RBPMS: variants seen among roughly 807,000 people sequenced by gnomAD.
RBPMS encodes RNA binding protein, mRNA processing factor, also known as RNA-binding protein with multiple splicing.
RBPMS carries 7 observed loss-of-function variants against 26.8 expected under a neutral mutation model. That is an observed-to-expected ratio of 0.26 (90% CI 0.15 to 0.49). RBPMS has a LOEUF of 0.49. Among genes scored for constraint, RBPMS ranks in the 20% least tolerant of loss-of-function variants. The probability of loss-of-function intolerance (pLI) is 0.98; values close to 1 mark genes in which losing one functional copy is unlikely to be tolerated. For missense variants in RBPMS, 186 were observed against 250.0 expected, an observed-to-expected ratio of 0.74 and a Z score of 1.73; for synonymous variants, 96 against 93.3, an observed-to-expected ratio of 1.03 and a Z score of -0.17.
At chr8:30,452,596 T>C (rs1435399316) in intron 1 of RBPMS, among the ~76,000 whole-genome samples, 1 of 152,188 alleles carries the variant, frequency 6.6e-6, no homozygotes, top group Non-Finnish European at 1.5e-5. Flanking sequence ...CTCATTTCTT[T>C]TGTGTGGTTC....
intron 1 of RBPMS, among the ~76,000 whole-genome samples, chr8:30,467,536 TTCTTA>T (rs1461208409): frequency 2.6e-5 from 4 of 152,158 alleles, no homozygotes; most frequent in South Asian, 4.1e-4. Flanking sequence ...GATCCCTCAG[TTCTTA>T]TCTTAGTAGA....
At chr8:30,430,394 G>GTAACATGGAAC (rs1811804798) in intron 1 of RBPMS, among the ~76,000 whole-genome samples, 1 of 152,196 alleles carries the variant, frequency 6.6e-6, no homozygotes, top group South Asian at 2.1e-4. Flanking sequence ...CAAGGTATTT[G>GTAACATGGAAC]CAAGCTGACA....
In RBPMS at chr8:30,419,377, C is replaced by T. The variant is rs535211479; in HGVS notation, c.66+34219C>T. Among the ~76,000 whole-genome samples, 4 of 151,480 alleles carry T rather than the reference C, an allele frequency of 2.6e-5. 1 individual carries two copies. In the South Asian group the frequency reaches 6.3e-4, roughly 24 times the overall value. ...AGGAGAATCGCTTGAAACTGGGAGGCAGAGGTAGCAGTGAGCCAAGATCAT... is the reference window on the plus strand; with the variant it reads ...AGGAGAATCGCTTGAAACTGGGAGGTAGAGGTAGCAGTGAGCCAAGATCAT... On this transcript the variant is annotated intron_variant, in intron 1 of 8. Transcript: ENST00000397323.
chr8:30,451,961 G>A (rs1278897281), intron 1 of RBPMS, among the ~76,000 whole-genome samples: 1 of 152,058 alleles, frequency 6.6e-6, no homozygotes, highest in African/African-American at 2.4e-5. Context: ...TCAGAAAGAC[G>A]TCACATCCAT....
chr8:30,460,280 A>G (rs990829137), intron 1 of RBPMS, among the ~76,000 whole-genome samples: 5 of 152,230 alleles, frequency 3.3e-5, no homozygotes, highest in Admixed American at 6.5e-5. Context: ...CATTATCAGC[A>G]CTGGGCTTTA....
At chr8:30,519,472 T>C (rs1230572972) in intron 5 of RBPMS, among the ~76,000 whole-genome samples, 7,722 of 15,172 alleles carry the variant, frequency 0.51, 1,153 homozygotes, top group South Asian at 0.61. Context: ...TTTTTTTTTT[T>C]TTTTTTTTTT....
intron 1 of RBPMS, among the ~76,000 whole-genome samples, chr8:30,446,790 A>G (rs1170584175): frequency 6.9e-6 from 1 of 145,012 alleles, no homozygotes; most frequent in Non-Finnish European, 1.5e-5. Context: ...GCCACCACAC[A>G]TGGCTTGTGT....
intron 1 of RBPMS, among the ~76,000 whole-genome samples, chr8:30,419,649 G>A (rs1024182105): frequency 6.6e-6 from 1 of 152,052 alleles, no homozygotes; most frequent in Non-Finnish European, 1.5e-5. Flanking sequence ...TATTAAAAAT[G>A]TTTTATAAAA....
chr8:30,493,767 C>CA (rs1333610169), intron 4 of RBPMS, among the ~76,000 whole-genome samples: 2 of 152,074 alleles, frequency 1.3e-5, no homozygotes, highest in Admixed American at 1.3e-4. Context: ...AACATAGTGG[C>CA]AAAAGTTCAA....
At chr8:30,427,836 C>T (rs1317146722) in intron 1 of RBPMS, among the ~76,000 whole-genome samples, 2 of 151,972 alleles carry the variant, frequency 1.3e-5, no homozygotes, top group East Asian at 3.9e-4. Context: ...CAGGTGTAGG[C>T]TTGTTGGGGT....
chr8:30,556,067 G>A lies in RBPMS; in HGVS notation c.529-2820G>A. Reference sequence around the variant, plus strand: ...CAGCGGAGCCTCTCAGGCTGGAAGAGGAGGCAGCCGTGGGTGTCTGTGGAT... The same window carrying A: ...CAGCGGAGCCTCTCAGGCTGGAAGAAGAGGCAGCCGTGGGTGTCTGTGGAT... On this transcript the variant is annotated intron_variant, in intron 6 of 8. Transcript: ENST00000397323. 5.1e-6 allele frequency: 5 copies of A among 981,236 alleles called. No individual in the cohort carries two copies. In the South Asian group the frequency reaches 2.3e-4, roughly 46 times the overall value. 60.8% of individuals were successfully genotyped at this position (981,236 alleles called of 1,614,324 possible).
intron 1 of RBPMS, among the ~76,000 whole-genome samples, chr8:30,421,868 T>C (rs1387160681): frequency 6.6e-6 from 1 of 151,866 alleles, no homozygotes; most frequent in African/African-American, 2.4e-5. Flanking sequence ...GGCAGGGGAA[T>C]TGCTTGAACC....
intron 5 of RBPMS, among the ~76,000 whole-genome samples, chr8:30,532,234 A>G (rs1330307764): frequency 6.6e-6 from 1 of 152,178 alleles, no homozygotes; most frequent in Non-Finnish European, 1.5e-5. Context: ...GGCTGAGGGC[A>G]TACATTCCAA....
intron 4 of RBPMS, among the ~76,000 whole-genome samples, chr8:30,500,141 T>C (rs540844901): frequency 1.3e-5 from 2 of 152,194 alleles, no homozygotes; most frequent in Non-Finnish European, 2.9e-5. Context: ...AAATTATACA[T>C]AGTTGTAAAA....
intron 1 of RBPMS, among the ~76,000 whole-genome samples, chr8:30,421,625 A>G (rs1810801697): frequency 6.6e-6 from 1 of 152,120 alleles, no homozygotes; most frequent in South Asian, 2.1e-4. Context: ...CACATGTTTT[A>G]TGGGTTAGGT....
At chr8:30,551,605 T>C (rs376677673) in intron 6 of RBPMS, among the ~76,000 whole-genome samples, 5 of 152,108 alleles carry the variant, frequency 3.3e-5, no homozygotes, top group East Asian at 1.9e-4. Flanking sequence ...CCTTCTCCCC[T>C]GTCCTTAATA....
At chr8:30,514,108 G>A (rs1822030543) in intron 5 of RBPMS, among the ~76,000 whole-genome samples, 1 of 152,176 alleles carries the variant, frequency 6.6e-6, no homozygotes, top group African/African-American at 2.4e-5. Flanking sequence ...GTGAGCATTA[G>A]TAAAAAGTGT....
At chr8:30,473,715 C>T (rs375346367) in intron 1 of RBPMS, among the ~76,000 whole-genome samples, 23 of 152,194 alleles carry the variant, frequency 1.5e-4, no homozygotes, top group African/African-American at 4.8e-4. Flanking sequence ...CAATGATAGA[C>T]TAAATAAAGA....
At chr8:30,554,908 A>G (rs1826723900) in intron 6 of RBPMS, among the ~76,000 whole-genome samples, 1 of 152,182 alleles carries the variant, frequency 6.6e-6, no homozygotes, top group Non-Finnish European at 1.5e-5. Context: ...GCGCAATGCA[A>G]ATCATTACTG....
Sources: gnomAD v4.1 joint callset for allele counts (sites outside exome capture counted in the v4.1 genomes callset) on GRCh38, gnomAD v4.1.1 for gene constraint, MANE v1.5 for transcripts, NCBI Gene and HGNC (gene_info 2026-07-23, HGNC 2026-07-21) for gene names.